Variants in DENND1A observed in about 807,000 individuals in gnomAD.
DENND1A encodes DENN domain containing 1A.
DENND1A carries 51 observed loss-of-function variants against 113.7 expected under a neutral mutation model. The ratio of observed to expected loss-of-function variants is 0.45; its 90% CI spans 0.36 to 0.57. The LOEUF (loss-of-function observed/expected upper bound fraction) is 0.57. Ranked by LOEUF, DENND1A falls within the 20% of genes least tolerant of loss-of-function variation. The pLI, the probability that DENND1A is intolerant of heterozygous loss-of-function variation, is 0.00. For synonymous variants in DENND1A, 565 were observed against 570.8 expected, an observed-to-expected ratio of 0.99 and a Z score of 0.14; for missense variants, 1,258 against 1,395.9, an observed-to-expected ratio of 0.90 and a Z score of 1.57.
At chr9:123,624,857 T>C (rs533060755) in intron 10 of DENND1A, among the ~76,000 whole-genome samples, 38 of 152,094 alleles carry the variant, frequency 2.5e-4, no homozygotes, top group African/African-American at 8.9e-4. Flanking sequence ...ATCTAATGTA[T>C]CTCCAAGAAA....
At chr9:123,457,249 GC>G in intron 15 of DENND1A, 98 bp downstream of exon 15, 1 of 894,704 alleles carries the variant, frequency 1.1e-6, no homozygotes, top group Non-Finnish European at 1.9e-6. Flanking sequence ...CTCTTCCTAA[GC>G]CCCAATAAAG....
intron 15 of DENND1A, 53 bp from the exon 16 acceptor site, chr9:123,454,832 GGGA>G: frequency 6.6e-7 from 1 of 1,512,912 alleles, no homozygotes; most frequent in Non-Finnish European, 8.9e-7. Context: ...ATTTGTCCTT[GGGA>G]GTCCTTAAAA....
chr9:123,414,344 AGCCTCT>A, intron 19 of DENND1A: 1 of 1,416,056 alleles, frequency 7.1e-7, no homozygotes, highest in Non-Finnish European at 9.2e-7. Flanking sequence ...CCCTGCCTCC[AGCCTCT>A]CCCCCTCCCA....
chr9:123,399,164 CCAGT>C (rs1452183712), intron 21 of DENND1A, among the ~76,000 whole-genome samples: 3 of 152,080 alleles, frequency 2.0e-5, no homozygotes, highest in African/African-American at 7.2e-5. Context: ...GTCGTCCCCA[CCAGT>C]CAGAGAAGCA....
chr9:123,381,819 G>A lies in DENND1A; in HGVS notation c.2826C>T (p.His942=), dbSNP rs774503242. The A allele has an allele frequency of 6.6e-7, 1 of 1,511,134 alleles. No homozygotes were observed. Among genetic ancestry groups the A allele is most frequent in the South Asian group, 1.3e-5 (1 of 77,434 alleles). 93.6% of individuals were successfully genotyped at this position (1,511,134 alleles called of 1,614,324 possible). ...LLSSAGFCAP[H]RSQPNLSALS... Reference sequence around the variant, plus strand: ...GGGCGGAGAGGTTGGGCTGAGACCTGTGAGGGGCACAGAAGCCAGCACTGG... The same window carrying A: ...GGGCGGAGAGGTTGGGCTGAGACCTATGAGGGGCACAGAAGCCAGCACTGG... The change falls in exon 24 of 24, where the codon CAC becomes CAT. Residue 942 remains histidine (H), a synonymous_variant. Transcript: ENST00000394215. This position sits in a 1 kb window ranked among gnomAD's most constrained non-coding sequence, Gnocchi z 4.7.
At chr9:123,392,238 T>C (rs2042894382) in intron 21 of DENND1A, among the ~76,000 whole-genome samples, 1 of 152,062 alleles carries the variant, frequency 6.6e-6, no homozygotes, top group African/African-American at 2.4e-5. Context: ...TCTCGGGAGT[T>C]TTTTTCATGT....
At chr9:123,818,173 C>T (rs1197573870) in intron 2 of DENND1A, among the ~76,000 whole-genome samples, 2 of 152,106 alleles carry the variant, frequency 1.3e-5, no homozygotes, top group East Asian at 3.9e-4. Context: ...GGCGCGATCT[C>T]GGCTCACTGC....
In DENND1A at chr9:123,381,602, G is replaced by C. The variant is rs754315383; in HGVS notation, c.3043C>G (p.Pro1015Ala). 3 of 1,613,168 alleles carry C rather than the reference G, an allele frequency of 1.9e-6. No homozygotes were observed. The highest frequency in any genetic ancestry group is 2.5e-6 in the Non-Finnish European group (3 of 1,179,838). ...AGTGTTGGCTCCAGGCCTTGAGGGG[G>C]CCTGGGAGGCAGAAGCGGGGGGTCT... ...PGDPPLLPPRPPQGLEPTLQP... is the reference protein window; with the variant it reads ...PGDPPLLPPRAPQGLEPTLQP... The change falls in exon 24 of 24, where the codon CCC becomes GCC. Residue 1015 changes from proline (P) to alanine (A), a missense_variant. Transcript: ENST00000394215. The surrounding 1 kb of genome is among the most constrained non-coding windows in gnomAD (Gnocchi z 4.7).
intron 1 of DENND1A, among the ~76,000 whole-genome samples, chr9:123,912,065 A>T (rs1407081072): frequency 6.6e-6 from 1 of 152,222 alleles, no homozygotes; most frequent in African/African-American, 2.4e-5. Context: ...GATAGCCTGT[A>T]TCTTGATCTG....
At chr9:123,828,048 A>C (rs1839630510) in intron 2 of DENND1A, among the ~76,000 whole-genome samples, 1 of 152,178 alleles carries the variant, frequency 6.6e-6, no homozygotes, top group Non-Finnish European at 1.5e-5. Flanking sequence ...AAGCAATAGA[A>C]ACAGACCCAG....
chr9:123,564,881 G>A (rs2057961416), intron 12 of DENND1A, among the ~76,000 whole-genome samples: 1 of 151,848 alleles, frequency 6.6e-6, no homozygotes, highest in Admixed American at 6.6e-5. Context: ...GCTAGACGAA[G>A]GTTCCCCTAT....
intron 10 of DENND1A, among the ~76,000 whole-genome samples, chr9:123,623,218 A>C (rs1366653592): frequency 6.6e-6 from 1 of 152,240 alleles, no homozygotes; most frequent in Non-Finnish European, 1.5e-5. Context: ...TGAGCTCTCA[A>C]GGCAACAGAA....
At chr9:123,598,456 CAAAAAAAAAA>C (rs780473231) in intron 11 of DENND1A, among the ~76,000 whole-genome samples, 1 of 59,394 alleles carries the variant, frequency 1.7e-5, no homozygotes, top group East Asian at 5.5e-4. Context: ...TCACAAATCT[CAAAAAAAAAA>C]AAAAAAAAAA....
intron 11 of DENND1A, among the ~76,000 whole-genome samples, chr9:123,584,183 G>T (rs183492631): frequency 1.3e-5 from 2 of 152,262 alleles, no homozygotes; most frequent in East Asian, 3.9e-4. Context: ...TAGAACTATT[G>T]TCTTTATTTT....
chr9:123,433,755 T>TAC (rs1345551972), intron 19 of DENND1A, among the ~76,000 whole-genome samples: 6 of 152,350 alleles, frequency 3.9e-5, no homozygotes, highest in African/African-American at 1.4e-4. Context: ...ATAAAACCTT[T>TAC]ACGCCTAATT....
intron 19 of DENND1A, among the ~76,000 whole-genome samples, chr9:123,424,031 G>A (rs894133427): frequency 1.4e-4 from 21 of 152,324 alleles, no homozygotes; most frequent in Middle Eastern, 6.8e-3. Flanking sequence ...GCTGGGGAGA[G>A]GGGGTGGAGT....
intron 13 of DENND1A, among the ~76,000 whole-genome samples, chr9:123,523,043 T>C (rs1348702649): frequency 6.6e-6 from 1 of 152,232 alleles, no homozygotes; most frequent in African/African-American, 2.4e-5. Flanking sequence ...AGCATTAATG[T>C]GAGGCCACAT....
intron 5 of DENND1A, among the ~76,000 whole-genome samples, chr9:123,733,775 C>T (rs1490893500): frequency 6.6e-6 from 1 of 151,836 alleles, no homozygotes; most frequent in Non-Finnish European, 1.5e-5. Context: ...AAGCAATTCT[C>T]CTGCCTCAGC....
chr9:123,835,869 A>G (rs73666302), intron 2 of DENND1A, among the ~76,000 whole-genome samples: 2,009 of 152,250 alleles, frequency 0.013, 50 homozygotes, highest in African/African-American at 0.046. Context: ...TATATATGCT[A>G]TATAAAAGTG....
Sources: allele counts gnomAD v4.1 joint callset (sites outside exome capture counted in the v4.1 genomes callset), GRCh38; gene constraint gnomAD v4.1.1; non-coding constraint Gnocchi (gnomAD v3.1); transcripts MANE v1.5; gene names NCBI Gene and HGNC (gene_info 2026-07-23, HGNC 2026-07-21).